Variants in ITPR1 observed in about 807,000 individuals in gnomAD.
The protein encoded by ITPR1 is inositol 1,4,5-trisphosphate receptor type 1.
A neutral mutation model predicts 318.4 loss-of-function variants in ITPR1; 96 were observed. The ratio of observed to expected loss-of-function variants is 0.30; its 90% CI spans 0.26 to 0.36. ITPR1 has a LOEUF of 0.36. Ranked by LOEUF, ITPR1 falls within the 10% of genes least tolerant of loss-of-function variation. The probability of loss-of-function intolerance (pLI) is 1.00; values close to 1 mark genes in which losing one functional copy is unlikely to be tolerated. For synonymous variants in ITPR1, 1,312 were observed against 1,289.9 expected (o/e 1.02, Z -0.37); for missense variants, 2,440 against 3,460.2 (o/e 0.71, Z 7.40).
chr3:4,709,880 C>T (rs1418058577), intron 37 of ITPR1, among the ~76,000 whole-genome samples: 1 of 152,148 alleles, frequency 6.6e-6, no homozygotes, highest in Non-Finnish European at 1.5e-5. Context: ...CACCTGTAAT[C>T]CCACCACCCA....
intron 30 of ITPR1, 103 bp from the exon 31 acceptor site, chr3:4,688,392 G>A: frequency 1.4e-6 from 2 of 1,425,192 alleles, no homozygotes; most frequent in Non-Finnish European, 9.7e-7. Context: ...CAGGTCCCCA[G>A]CAAACACCTT....
At chr3:4,619,577 TC>T (rs1248610665) in intron 4 of ITPR1, among the ~76,000 whole-genome samples, 1 of 64,936 alleles carries the variant, frequency 1.5e-5, no homozygotes, top group Admixed American at 1.7e-4. Context: ...CCTTTCCCCT[TC>T]CCCCTTCCCC....
intron 43 of ITPR1, among the ~76,000 whole-genome samples, chr3:4,734,685 A>G (rs894362025): frequency 6.6e-6 from 1 of 152,262 alleles, no homozygotes; most frequent in African/African-American, 2.4e-5. Context: ...CATTTGTTGA[A>G]TGAATAAACA....
intron 40 of ITPR1, among the ~76,000 whole-genome samples, chr3:4,719,542 C>T (rs374555461): frequency 2.2e-4 from 33 of 152,324 alleles, no homozygotes; most frequent in African/African-American, 7.5e-4. Flanking sequence ...ATCTGAACTG[C>T]GTACCCATGT....
intron 44 of ITPR1, among the ~76,000 whole-genome samples, chr3:4,763,366 A>G (rs1227217253): frequency 6.6e-6 from 1 of 152,204 alleles, no homozygotes; most frequent in Admixed American, 6.5e-5. Flanking sequence ...ACAAATTTAA[A>G]AAGTTTCTAA....
chr3:4,657,335 G>GT, intron 12 of ITPR1, among the ~76,000 whole-genome samples: 1 of 149,118 alleles, frequency 6.7e-6, no homozygotes, highest in African/African-American at 2.5e-5. Flanking sequence ...TGCAGGATGA[G>GT]TTTCCTCAAC....
rs2094195862 is a variant in ITPR1, at chr3:4,676,910, G to A, written c.2967+109G>A. 1.1e-5 allele frequency: 9 copies of A among 789,634 alleles called. No individual in the cohort carries two copies. The East Asian group carries it at 2.2e-4, about 19-fold the overall frequency. The allele number at this position is 789,634 out of a possible 1,614,324, so 48.9% of individuals were successfully genotyped here. On this transcript the variant is annotated intron_variant, in intron 24 of 61. Coordinates refer to ENST00000649015, the MANE Select transcript of ITPR1 (RefSeq NM_001378452.1). The stretch of plus-strand genomic sequence containing the variant: ...AAGGCTTTCTGGGAAGAAAATGGGG[G>A]CAAATCCTTAGCTCATCCCTCCGTG...
At chr3:4,761,729 G>A (rs931167294) in intron 44 of ITPR1, among the ~76,000 whole-genome samples, 13 of 152,204 alleles carry the variant, frequency 8.5e-5, no homozygotes, top group African/African-American at 2.9e-4. Flanking sequence ...GCAGTGTAGC[G>A]GGTAGAGGGG....
chr3:4,693,450 T>C (rs765483921), intron 32 of ITPR1, 40 bp from the exon 33 acceptor site: 4 of 1,597,656 alleles, frequency 2.5e-6, no homozygotes, highest in Non-Finnish European at 3.4e-6. Flanking sequence ...GCCCCACCCC[T>C]GCAAGCTTGT....
At chr3:4,668,926 G>T (rs1232937688) in intron 18 of ITPR1, among the ~76,000 whole-genome samples, 1 of 152,002 alleles carries the variant, frequency 6.6e-6, no homozygotes, top group Non-Finnish European at 1.5e-5. Flanking sequence ...CTCCTCTTTC[G>T]TACACCCTCT....
intron 40 of ITPR1, among the ~76,000 whole-genome samples, chr3:4,718,733 G>A (rs180840081): frequency 1.3e-5 from 2 of 152,322 alleles, no homozygotes; most frequent in East Asian, 3.9e-4. Flanking sequence ...GGGAAGACTA[G>A]AAGGTGAGAA....
Position 4,712,500 on chromosome 3 carries a change from G to A in ITPR1, c.5103+632G>A, listed in dbSNP as rs182848867. Among the ~76,000 whole-genome samples the A allele has an allele frequency of 3.9e-5, 6 of 152,292 alleles. No homozygotes were observed. In the East Asian group the frequency reaches 1.2e-3, roughly 29 times the overall value. On this transcript the variant is annotated intron_variant, in intron 39 of 61. Transcript: ENST00000649015. The stretch of plus-strand genomic sequence containing the variant: ...TTTCAGCCCCCAGCAACAAATGATG[G>A]GCGTGAATTGAAATCTCACTCATTT...
intron 47 of ITPR1, among the ~76,000 whole-genome samples, chr3:4,776,062 T>C (rs140973220): frequency 1.3e-5 from 2 of 152,296 alleles, no homozygotes; most frequent in East Asian, 3.9e-4. Context: ...TGCATTGTGC[T>C]AGGTTGAGTA....
At chr3:4,691,773 A>G (rs1241088259) in intron 32 of ITPR1, among the ~76,000 whole-genome samples, 2 of 152,226 alleles carry the variant, frequency 1.3e-5, no homozygotes, top group Non-Finnish European at 2.9e-5. Context: ...GGAATCAAGG[A>G]AAAGCCTTAC....
At chr3:4,636,404 C>T (rs1483964199) in intron 5 of ITPR1, among the ~76,000 whole-genome samples, 3 of 152,088 alleles carry the variant, frequency 2.0e-5, no homozygotes, top group Admixed American at 6.6e-5. Context: ...AGAGTTTTGA[C>T]AAAGTTTTAG....
At chr3:4,816,712 G>T (rs183848952) in intron 59 of ITPR1, among the ~76,000 whole-genome samples, 1 of 152,298 alleles carries the variant, frequency 6.6e-6, no homozygotes, top group Non-Finnish European at 1.5e-5. Flanking sequence ...TGATCATTTG[G>T]TTAAGGTGCT....
At chr3:4,613,828 G>A (rs1443186198) in intron 4 of ITPR1, among the ~76,000 whole-genome samples, 1 of 151,782 alleles carries the variant, frequency 6.6e-6, no homozygotes, top group Non-Finnish European at 1.5e-5. Context: ...AGATATATAG[G>A]CATATATGCA....
At chr3:4,660,598 C>A (rs1288948967) in intron 13 of ITPR1, among the ~76,000 whole-genome samples, 1 of 152,082 alleles carries the variant, frequency 6.6e-6, no homozygotes, top group Non-Finnish European at 1.5e-5. Context: ...TTTATGATCT[C>A]ATTTATTGTT....
intron 4 of ITPR1, among the ~76,000 whole-genome samples, chr3:4,609,081 TATATATATAC>T (rs199799081): frequency 4.0e-4 from 37 of 92,002 alleles, no homozygotes; most frequent in African/African-American, 1.3e-3. Context: ...TATATATATA[TATATATATAC>T]ACACACACGT....
Sources: gnomAD v4.1 joint callset for allele counts (sites outside exome capture counted in the v4.1 genomes callset) on GRCh38, gnomAD v4.1.1 for gene constraint, MANE v1.5 for transcripts, NCBI Gene and HGNC (gene_info 2026-07-23, HGNC 2026-07-21) for gene names.